ASCC2: variants seen among roughly 807,000 people sequenced by gnomAD.
The protein encoded by ASCC2 is activating signal cointegrator 1 complex subunit 2, also known as ASC-1 complex subunit P100.
Under a neutral mutation model 93.5 loss-of-function variants are expected in ASCC2, and 42 were observed. The ratio of observed to expected loss-of-function variants is 0.45; its 90% CI spans 0.35 to 0.58. The LOEUF is 0.58. Among genes scored for constraint, ASCC2 ranks in the 20% least tolerant of loss-of-function variants. The probability of loss-of-function intolerance (pLI) is 0.00; values close to 1 mark genes in which losing one functional copy is unlikely to be tolerated. For missense variants in ASCC2, 859 were observed against 977.6 expected, an observed-to-expected ratio of 0.88 and a Z score of 1.62; for synonymous variants, 364 against 384.2, an observed-to-expected ratio of 0.95 and a Z score of 0.62.
At chr22:29,800,893 C>T (rs1048590267) in intron 15 of ASCC2, 98 bp downstream of exon 15, 2 of 1,442,820 alleles carry the variant, frequency 1.4e-6, no homozygotes, top group Non-Finnish European at 1.9e-6. Context: ...GCTGATACTC[C>T]ATGGCCAATT....
At chr22:29,830,552 C>T (rs1011746745) in intron 2 of ASCC2, among the ~76,000 whole-genome samples, 1 of 120,492 alleles carries the variant, frequency 8.3e-6, no homozygotes, top group Admixed American at 9.2e-5. Context: ...CCCTCCTGGG[C>T]TGCACGTACC....
intron 2 of ASCC2, among the ~76,000 whole-genome samples, chr22:29,831,960 C>T (rs766326206): frequency 4.6e-5 from 7 of 152,074 alleles, no homozygotes; most frequent in Non-Finnish European, 8.8e-5. Flanking sequence ...CATTTCTAGC[C>T]CGATCCAGGC....
In ASCC2 at chr22:29,802,031, C is replaced by A; in HGVS notation, c.1531G>T (p.Ala511Ser). The change falls in exon 14 of 20, where the codon GCC becomes TCC. Residue 511 changes from alanine to serine, a missense_variant. Ala to Ser is a moderately conservative substitution (Grantham distance 99). Transcript: ENST00000307790. ...CGGTCCAGCTGGCTGAGGGTGGGGG[C>A]CAGCCGCTCCTCCAGGATATTGTTG... ...VINNILEERL[A>S]PTLSQLDRNL... 6.2e-7 allele frequency: 1 copy of A among 1,609,542 alleles called. No homozygotes were observed. Among genetic ancestry groups the A allele is most frequent in the Non-Finnish European group, 8.5e-7 (1 of 1,177,700 alleles).
intron 19 of ASCC2, among the ~76,000 whole-genome samples, chr22:29,789,924 C>G (rs931742410): frequency 1.3e-5 from 2 of 152,174 alleles, no homozygotes; most frequent in Non-Finnish European, 2.9e-5. Context: ...TGAGGAGTCT[C>G]TGGGTACTGA....
chr22:29,802,057 A>G lies in ASCC2; in HGVS notation c.1505T>C (p.Ile502Thr), dbSNP rs1336823890. ...CAGCCGCTCCTCCAGGATATTGTTGATCACCTGCTCTGGGTCGTAGTGGTA... is the reference window on the plus strand; with the variant it reads ...CAGCCGCTCCTCCAGGATATTGTTGGTCACCTGCTCTGGGTCGTAGTGGTA... ...EYYHYDPEQVINNILEERLAP... is the reference protein window; with the variant it reads ...EYYHYDPEQVTNNILEERLAP... Residue 502 changes from isoleucine (I) to threonine (T), a missense_variant, in exon 14 of 20, where the codon ATC (isoleucine) becomes ACC (threonine). Transcript: ENST00000307790. 1 of 1,613,732 alleles carries G rather than the reference A, an allele frequency of 6.2e-7. No individual in the cohort carries two copies. Among genetic ancestry groups the G allele is most frequent in the Non-Finnish European group, 8.5e-7 (1 of 1,179,904 alleles).
At chr22:29,815,892 C>T in intron 6 of ASCC2, 114 bp downstream of exon 6, 1 of 852,500 alleles carries the variant, frequency 1.2e-6, no homozygotes, top group South Asian at 1.6e-5. Context: ...ATGCGAGAGT[C>T]AGGGAATAAA....
At chr22:29,790,658 G>T (rs975336403) in intron 18 of ASCC2, 110 bp from the exon 19 acceptor site, 13 of 1,141,008 alleles carry the variant, frequency 1.1e-5, no homozygotes, top group Non-Finnish European at 1.6e-5. Flanking sequence ...TGCCAGGTGT[G>T]GGGGGAAGCT....
chr22:29,805,530 A>G (rs1024855725), intron 12 of ASCC2, among the ~76,000 whole-genome samples: 3 of 151,596 alleles, frequency 2.0e-5, no homozygotes, highest in Non-Finnish European at 2.9e-5. Flanking sequence ...CTGCTTCACA[A>G]CCTTCCGCGC....
rs1230051362 is a variant in ASCC2, at chr22:29,801,999, T to A, written c.1563A>T (p.Leu521=). 1.4e-5 allele frequency: 22 copies of A among 1,589,476 alleles called. No homozygotes were observed. Among genetic ancestry groups the A allele is most frequent in the Non-Finnish European group, 1.7e-5 (20 of 1,166,958 alleles). ...APTLSQLDRN[L]DREMKPDPTP... ...CTCCCACCTGTCTCTCCCACCTGTC[T>A]AGGTTGCGGTCCAGCTGGCTGAGGG... is the stretch of plus-strand genomic sequence containing the variant. Residue 521 remains leucine (L), a synonymous_variant, in exon 14 of 20, where the codon CTA becomes CTT. Coordinates refer to ENST00000307790, the MANE Select transcript of ASCC2 (RefSeq NM_032204.5).
chr22:29,799,856 C>T (rs1207449626), intron 15 of ASCC2, among the ~76,000 whole-genome samples: 1 of 152,172 alleles, frequency 6.6e-6, no homozygotes, highest in African/African-American at 2.4e-5. Context: ...GGCACGATCA[C>T]AGCTCATTGC....
At position 29,808,119 on chromosome 22, in the gene ASCC2, T is replaced by A. The variant is rs752791191; in HGVS notation, c.900A>T (p.Glu300Asp). Residue 300 changes from glutamate to aspartate, a missense_variant, in exon 9 of 20, where the codon GAA (glutamate) becomes GAT (aspartate). Coordinates refer to ENST00000307790, the MANE Select transcript of ASCC2 (RefSeq NM_032204.5). The stretch of plus-strand genomic sequence containing the variant: ...TTTTGTCCCCGCCTCACTTGCTATC[T>A]TCAAGCCTCCTCTTCTTAATTGCAG... ...MESAIKKRRLEDSKLLGDLWQ... is the reference protein window; with the variant it reads ...MESAIKKRRLDDSKLLGDLWQ... The A allele has an allele frequency of 6.2e-7, 1 of 1,614,240 alleles. No homozygotes were observed. Among genetic ancestry groups the A allele is most frequent in the Non-Finnish European group, 8.5e-7 (1 of 1,180,034 alleles).
At chr22:29,809,121 CAAAA>C (rs1316093434) in intron 8 of ASCC2, among the ~76,000 whole-genome samples, 1 of 40,998 alleles carries the variant, frequency 2.4e-5, no homozygotes, top group Non-Finnish European at 5.6e-5. Context: ...GACTCTGTCT[CAAAA>C]AAAAAAAAAA....
At chr22:29,804,279 G>A (rs1035211157) in intron 13 of ASCC2, among the ~76,000 whole-genome samples, 2 of 152,202 alleles carry the variant, frequency 1.3e-5, no homozygotes, top group African/African-American at 2.4e-5. Flanking sequence ...CATGGGACTT[G>A]GCACTGTTCC....
chr22:29,825,498 T>C lies in ASCC2; in HGVS notation c.240+124A>G. On this transcript the variant is annotated intron_variant, in intron 3 of 19. Coordinates refer to ENST00000307790, the MANE Select transcript of ASCC2 (RefSeq NM_032204.5). The surrounding 1 kb of genome is among the most constrained non-coding windows in gnomAD (Gnocchi z 4.9). ...CAGAGCAATCCGAACCACAATTTGC[T>C]GTTAAGGATCCAGTGAAAGAAGTAG... 7.3e-7 allele frequency: 1 copy of C among 1,372,522 alleles called. No individual in the cohort carries two copies. Among genetic ancestry groups the C allele is most frequent in the Non-Finnish European group, 1.0e-6 (1 of 977,750 alleles). The allele number at this position is 1,372,522 out of a possible 1,614,324, so 85.0% of individuals were successfully genotyped here. A position where few individuals can be genotyped will look rare whatever the true frequency, so the allele number is the denominator to read the frequency against.
chr22:29,793,444 T>C lies in ASCC2; in HGVS notation c.1835A>G (p.Tyr612Cys). 6.2e-7 allele frequency: 1 copy of C among 1,614,176 alleles called. No individual in the cohort carries two copies. The highest frequency in any genetic ancestry group is 8.5e-7 in the Non-Finnish European group (1 of 1,180,046). ...GTATGTGTCATCGTACTCATCCTCG[T>C]AGTAGACACTGTGGTAGGGCAGGCT... ...GESLPYHSVYYEDEYDDTYDG... is the reference protein window; with the variant it reads ...GESLPYHSVYCEDEYDDTYDG... The change falls in exon 17 of 20, where the codon TAC becomes TGC. Residue 612 changes from tyrosine (Y) to cysteine (C), a missense_variant. Transcript: ENST00000307790.
At chr22:29,832,536 C>A in intron 1 of ASCC2, 194 bp from the exon 2 acceptor site, 1 of 455,344 alleles carries the variant, frequency 2.2e-6, no homozygotes, top group Non-Finnish European at 3.9e-6. Context: ...AAGCAGTTCT[C>A]AATTGTAGAA....
chr22:29,824,703 T>C (rs542870635), intron 4 of ASCC2, among the ~76,000 whole-genome samples: 5 of 152,206 alleles, frequency 3.3e-5, no homozygotes, highest in African/African-American at 1.2e-4. Flanking sequence ...TCCGCAATGT[T>C]TGGGTTGTTT....
At chr22:29,812,554 C>T (rs2057881) in intron 8 of ASCC2, among the ~76,000 whole-genome samples, 3,250 of 152,328 alleles carry the variant, frequency 0.021, 47 homozygotes, top group Non-Finnish European at 0.032. Context: ...CCTGCCAGCA[C>T]ATCCCAGGCT....
chr22:29,815,398 T>A (rs2060720601), intron 6 of ASCC2: 1 of 152,646 alleles, frequency 6.6e-6, no homozygotes, highest in South Asian at 2.1e-4. Flanking sequence ...ACTTTAGCAA[T>A]GTATAACAAA....
Sources: allele counts gnomAD v4.1 joint callset (sites outside exome capture counted in the v4.1 genomes callset), GRCh38; gene constraint gnomAD v4.1.1; non-coding constraint Gnocchi (gnomAD v3.1); transcripts MANE v1.5; gene names NCBI Gene and HGNC (gene_info 2026-07-23, HGNC 2026-07-21).